The following KMT2E variants were observed in gnomAD, a reference collection of about 807,000 sequenced individuals.
The protein encoded by KMT2E is histone reader KMT2E.
In KMT2E, 30 loss-of-function variants were observed where a neutral mutation model predicts 184.6. That is an observed-to-expected ratio of 0.16 (90% confidence interval 0.12 to 0.22). The LOEUF (loss-of-function observed/expected upper bound fraction) is 0.22, where lower values mean the gene tolerates loss of function less well. KMT2E is among the 10% of genes least tolerant of loss of function. KMT2E has a pLI of 1.00. For missense variants in KMT2E, 2,023 were observed against 2,237.4 expected (o/e 0.90, Z 1.93); for synonymous variants, 815 against 776.5 (o/e 1.05, Z -0.82).
rs35249094 is a variant in KMT2E at position 105,113,600 on chromosome 7, CTT to C, written c.*280_*281del. 0.014 allele frequency: 2,831 copies of C among 202,988 alleles called. No homozygotes were observed. Among genetic ancestry groups the C allele is most frequent in the East Asian group, 0.055 (470 of 8,546 alleles). The allele number at this position is 202,988 out of a possible 1,614,324, so 12.6% of individuals were successfully genotyped here. ...TGATGCTGATTTGATGCTGTATGAT[CTT>C]TTTTTTTTTTTTAGTTAAATTCATT... On this transcript the variant is annotated 3_prime_UTR_variant, in exon 27 of 27. Transcript: ENST00000311117.
intron 1 of KMT2E, among the ~76,000 whole-genome samples, chr7:105,019,413 C>T (rs1005681674): frequency 2.6e-5 from 4 of 152,070 alleles, no homozygotes; most frequent in South Asian, 2.1e-4. Flanking sequence ...TTGGAAATCT[C>T]GTTTGGTTAT....
Position 105,107,466 on chromosome 7 carries a change from T to C in KMT2E, c.3009T>C (p.Pro1003=). The C allele has an allele frequency of 6.2e-7, 1 of 1,614,126 alleles. No homozygotes were observed. The highest frequency in any genetic ancestry group is 1.7e-5 in the Admixed American group (1 of 60,014). The change falls in exon 22 of 27, where the codon CCT becomes CCC. Residue 1003 remains proline (P), a synonymous_variant. Transcript: ENST00000311117. ...TAAAGACTATTGGTTATACGAGCCC[T>C]AGGAGTAGGACTGAAGTCAACAGGC... ...QEIKTIGYTS[P]RSRTEVNRQC...
At chr7:105,063,905 G>C (rs1796920383) in intron 5 of KMT2E, 1 of 451,816 alleles carries the variant, frequency 2.2e-6, no homozygotes, top group Admixed American at 2.6e-5. Context: ...TTAGTCTTTT[G>C]TATTTCCTTT....
intron 1 of KMT2E, among the ~76,000 whole-genome samples, chr7:105,031,751 AAAAT>A (rs1161109868): frequency 1.3e-4 from 20 of 151,002 alleles, no homozygotes; most frequent in Admixed American, 5.9e-4. Context: ...AACTGTCTCA[AAAAT>A]AAATAAATAA....
At chr7:105,109,953 C>T (rs780898382) in intron 23 of KMT2E, among the ~76,000 whole-genome samples, 10 of 151,350 alleles carry the variant, frequency 6.6e-5, no homozygotes, top group African/African-American at 9.7e-5. Context: ...AAGCGATTCT[C>T]CTGCCTCAGC....
chr7:105,033,723 T>A (rs879897659), intron 1 of KMT2E, among the ~76,000 whole-genome samples: 2 of 152,080 alleles, frequency 1.3e-5, no homozygotes, highest in Non-Finnish European at 2.9e-5. Flanking sequence ...GTGGTCTCGA[T>A]CTCCTGACCT....
At chr7:105,074,611 T>A in intron 7 of KMT2E, 32 bp from the exon 8 acceptor site, 1 of 1,424,998 alleles carries the variant, frequency 7.0e-7, no homozygotes, top group Non-Finnish European at 9.3e-7. Flanking sequence ...ATAGAAGTAT[T>A]AAATGTGCAA....
At chr7:105,043,168 T>G (rs1196971420) in intron 3 of KMT2E, among the ~76,000 whole-genome samples, 1 of 152,188 alleles carries the variant, frequency 6.6e-6, no homozygotes, top group African/African-American at 2.4e-5. Context: ...TCTAAATGCC[T>G]CCTCAATTTA....
At chr7:105,097,126 T>C (rs1798441735) in intron 15 of KMT2E, among the ~76,000 whole-genome samples, 1 of 152,202 alleles carries the variant, frequency 6.6e-6, no homozygotes, top group South Asian at 2.1e-4. Flanking sequence ...TAAATGTCTC[T>C]AGGAAAACTT....
At chr7:105,082,912 T>A (rs1353594902) in intron 13 of KMT2E, among the ~76,000 whole-genome samples, 1 of 152,244 alleles carries the variant, frequency 6.6e-6, no homozygotes, top group Non-Finnish European at 1.5e-5. Flanking sequence ...TTTCTACATC[T>A]TCTTTCTCAT....
Position 105,112,912 on chromosome 7 carries a change from C to A in KMT2E, c.5156C>A (p.Pro1719His). Reference protein sequence around the residue: ...HVVNSAPPPPPPPPPSSVLAS... With the variant: ...HVVNSAPPPPHPPPPSSVLAS... ...GTAAATTCAGCACCCCCACCACCCC[C>A]TCCGCCGCCACCTTCCAGTGTTTTG... The change falls in exon 27 of 27, where the codon CCT (proline) becomes CAT (histidine). Residue 1719 changes from proline to histidine, a missense_variant. Coordinates refer to ENST00000311117, the MANE Select transcript of KMT2E (RefSeq NM_182931.3). 6.2e-7 allele frequency: 1 copy of A among 1,613,722 alleles called. No individual in the cohort carries two copies. The highest frequency in any genetic ancestry group is 1.6e-4 in the Middle Eastern group (1 of 6,062).
Position 105,107,189 on chromosome 7 carries a change from TC to T in KMT2E, c.2873del (p.Pro958GlnfsTer3). On this transcript the variant is annotated frameshift_variant, in exon 21 of 27. Coordinates refer to ENST00000311117, the MANE Select transcript of KMT2E (RefSeq NM_182931.3). LOFTEE classifies it high-confidence loss of function. ...AGAATATTTCTTCCCCAGAAAGTTCTCCAGAAATAAAGAGACGCACTTATAG... is the reference window on the plus strand; with the variant it reads ...AGAATATTTCTTCCCCAGAAAGTTCTCAGAAATAAAGAGACGCACTTATAG... ...FENISSPESS[P>X]EIKRRTYSQE... is the part of the protein sequence containing the mutation. 1 of 1,550,108 alleles carries T rather than the reference TC, an allele frequency of 6.5e-7. No individual in the cohort carries two copies. Among genetic ancestry groups the T allele is most frequent in the Non-Finnish European group, 8.8e-7 (1 of 1,139,896 alleles).
chr7:105,048,627 A>G (rs1457494093), intron 3 of KMT2E, among the ~76,000 whole-genome samples: 1 of 152,174 alleles, frequency 6.6e-6, no homozygotes, highest in Non-Finnish European at 1.5e-5. Flanking sequence ...TTATTTTGGA[A>G]TTTAGAATTA....
At chr7:105,037,658 C>T (rs1286579776) in intron 1 of KMT2E, among the ~76,000 whole-genome samples, 4 of 152,102 alleles carry the variant, frequency 2.6e-5, no homozygotes, top group African/African-American at 9.7e-5. Flanking sequence ...CCACTGTGCC[C>T]AGCTGTTTTC....
chr7:105,080,392 T>C (rs1018688951), intron 12 of KMT2E, among the ~76,000 whole-genome samples: 2 of 152,038 alleles, frequency 1.3e-5, no homozygotes, highest in African/African-American at 4.8e-5. Context: ...AGGTGTTTTT[T>C]TTTTTTCCTC....
intron 1 of KMT2E, among the ~76,000 whole-genome samples, chr7:105,015,732 C>T (rs1794690274): frequency 6.6e-6 from 1 of 152,108 alleles, no homozygotes; most frequent in Admixed American, 6.5e-5. Context: ...ACACCCCATG[C>T]AGTGCGTTTG....
intron 3 of KMT2E, among the ~76,000 whole-genome samples, chr7:105,043,518 G>A (rs1427843958): frequency 2.0e-5 from 3 of 152,236 alleles, no homozygotes; most frequent in East Asian, 3.9e-4. Context: ...TTACAGGCGT[G>A]AGCCACCGCG....
intron 15 of KMT2E, among the ~76,000 whole-genome samples, chr7:105,101,053 A>AT (rs1296253406): frequency 6.6e-6 from 1 of 152,134 alleles, no homozygotes; most frequent in Non-Finnish European, 1.5e-5. Flanking sequence ...TCAACATATC[A>AT]TTACCTTAGG....
At chr7:105,065,006 C>A (rs1157994743) in intron 5 of KMT2E, among the ~76,000 whole-genome samples, 2 of 151,954 alleles carry the variant, frequency 1.3e-5, no homozygotes, top group African/African-American at 4.8e-5. Flanking sequence ...TAAAATTGTC[C>A]TTAGGAGTTT....
Sources: gnomAD v4.1 joint callset for allele counts (sites outside exome capture counted in the v4.1 genomes callset) on GRCh38, gnomAD v4.1.1 for gene constraint, MANE v1.5 for transcripts, NCBI Gene and HGNC (gene_info 2026-07-23, HGNC 2026-07-21) for gene names.